The following ACTR3C variants were observed in gnomAD, a reference collection of about 807,000 sequenced individuals.
ACTR3C encodes actin related protein 3C.
In ACTR3C, 18 loss-of-function variants were observed where a neutral mutation model predicts 26.3. That is an observed-to-expected ratio of 0.68 (90% confidence interval 0.47 to 1.01). The LOEUF (loss-of-function observed/expected upper bound fraction) is 1.01. ACTR3C is among the 50% of genes least tolerant of loss of function. ACTR3C has a pLI of 0.00. For missense variants in ACTR3C, 184 were observed against 250.7 expected (o/e 0.73, Z 1.80); for synonymous variants, 55 against 94.5 (o/e 0.58, Z 2.42).
At chr7:150,201,094 CT>C in the ACTR3C span, among the ~76,000 whole-genome samples, 1 of 152,178 alleles carries the variant, frequency 6.6e-6, no homozygotes, top group African/African-American at 2.4e-5. Flanking sequence ...GATTCAAATA[CT>C]TTTTTGTCTG....
chr7:150,021,341 T>C, the ACTR3C span, among the ~76,000 whole-genome samples: 1 of 151,956 alleles, frequency 6.6e-6, no homozygotes, highest in South Asian at 2.1e-4. Context: ...ATACGTTTTA[T>C]CACCTATGAA....
the ACTR3C span, among the ~76,000 whole-genome samples, chr7:149,989,113 A>G: frequency 6.6e-6 from 1 of 152,192 alleles, no homozygotes; most frequent in Admixed American, 6.5e-5. Context: ...CAGAGACCAA[A>G]AGAACCCTGG....
At chr7:150,147,854 T>TA in the ACTR3C span, among the ~76,000 whole-genome samples, 39,738 of 145,056 alleles carry the variant, frequency 0.27, 5,856 homozygotes, top group East Asian at 0.45. Context: ...TCTGGATGAT[T>TA]AAAAAAAAGC....
rs960112144 is a variant in ACTR3C at position 150,260,167 on chromosome 7, C to T, written c.565-11113G>A. On this transcript the variant is annotated intron_variant, in intron 6 of 7. Transcript: ENST00000683684. ...GAGGCTGCCTTGTGGCCTGCAAAAT[C>T]GAAAATATTTATTATCTGGCCCTGT... is the stretch of plus-strand genomic sequence containing the variant. Among the ~76,000 whole-genome samples the T allele has an allele frequency of 7.9e-5, 12 of 152,204 alleles. No homozygotes were observed. The South Asian group carries it at 8.3e-4, about 11-fold the overall frequency.
the ACTR3C span, among the ~76,000 whole-genome samples, chr7:149,903,626 C>T: frequency 9.2e-5 from 14 of 151,638 alleles, no homozygotes; most frequent in Admixed American, 2.0e-4. Flanking sequence ...ACTCCAGCCT[C>T]GATCTCCTGG....
chr7:150,207,362 A>G, the ACTR3C span, among the ~76,000 whole-genome samples: 1 of 152,214 alleles, frequency 6.6e-6, no homozygotes, highest in Non-Finnish European at 1.5e-5. Context: ...ACTAATAAAA[A>G]TAATAGTTTC....
chr7:150,042,361 C>T, the ACTR3C span, among the ~76,000 whole-genome samples: 7 of 124,794 alleles, frequency 5.6e-5, no homozygotes, highest in Admixed American at 2.2e-4. Flanking sequence ...CCGCCCCCAG[C>T]GATGGGGGTC....
chr7:150,160,752 C>T, the ACTR3C span, among the ~76,000 whole-genome samples: 81 of 152,082 alleles, frequency 5.3e-4, no homozygotes, highest in Middle Eastern at 3.4e-3. Context: ...ACCCACTCTA[C>T]CTCCTTCACC....
chr7:150,157,702 G>A, the ACTR3C span, among the ~76,000 whole-genome samples: 1 of 152,246 alleles, frequency 6.6e-6, no homozygotes, highest in Non-Finnish European at 1.5e-5. Flanking sequence ...AGGAAGCATA[G>A]ACGAAGAGTA....
the ACTR3C span, among the ~76,000 whole-genome samples, chr7:150,125,293 C>T: frequency 1.3e-5 from 2 of 148,882 alleles, no homozygotes; most frequent in East Asian, 1.9e-4. Flanking sequence ...ATAGTTTTCT[C>T]TCTTAGTTCA....
the ACTR3C span, among the ~76,000 whole-genome samples, chr7:150,112,689 G>A: frequency 6.6e-6 from 1 of 152,174 alleles, no homozygotes; most frequent in East Asian, 1.9e-4. Flanking sequence ...ACCCATCTAA[G>A]ATTAAGTTCA....
the ACTR3C span, among the ~76,000 whole-genome samples, chr7:149,965,665 T>C: frequency 6.6e-6 from 1 of 152,224 alleles, no homozygotes. Context: ...AAAAAAGATA[T>C]CATGGCAAGG....
At chr7:150,060,546 C>T in the ACTR3C span, among the ~76,000 whole-genome samples, 1 of 152,104 alleles carries the variant, frequency 6.6e-6, no homozygotes, top group South Asian at 2.1e-4. Flanking sequence ...GTATAACCCT[C>T]GGATGAATTC....
the ACTR3C span, among the ~76,000 whole-genome samples, chr7:150,006,458 A>G: frequency 2.0e-5 from 3 of 148,702 alleles, no homozygotes; most frequent in African/African-American, 7.5e-5. Flanking sequence ...CGGCCTCCCA[A>G]AGTGCTGGGA....
intron 1 of ACTR3C, among the ~76,000 whole-genome samples, chr7:150,305,802 C>T (rs1462897088): frequency 6.6e-6 from 1 of 152,082 alleles, no homozygotes; most frequent in Non-Finnish European, 1.5e-5. Flanking sequence ...TGGCAAGGAG[C>T]TCATTCTCTC....
chr7:150,006,478 T>G, the ACTR3C span, among the ~76,000 whole-genome samples: 1 of 149,662 alleles, frequency 6.7e-6, no homozygotes, highest in African/African-American at 2.5e-5. Context: ...ATTACAGGCA[T>G]GAGCCACCGC....
the ACTR3C span, among the ~76,000 whole-genome samples, chr7:150,137,643 T>C: frequency 2.6e-5 from 4 of 152,124 alleles, no homozygotes; most frequent in East Asian, 1.9e-4. Flanking sequence ...AATAAATGTA[T>C]AGAAAATAGT....
chr7:150,137,256 C>T, the ACTR3C span, among the ~76,000 whole-genome samples: 1 of 152,118 alleles, frequency 6.6e-6, no homozygotes. Context: ...TTCCAGCCAC[C>T]CTAGGAGTAC....
At chr7:150,198,947 T>C in the ACTR3C span, among the ~76,000 whole-genome samples, 7 of 117,992 alleles carry the variant, frequency 5.9e-5, no homozygotes, top group Middle Eastern at 4.9e-3. Flanking sequence ...GTCAGCCCCC[T>C]GCCCGGCCAG....
Sources: gnomAD v4.1 joint callset for allele counts (sites outside exome capture counted in the v4.1 genomes callset) on GRCh38, gnomAD v4.1.1 for gene constraint, MANE v1.5 for transcripts, NCBI Gene and HGNC (gene_info 2026-07-23, HGNC 2026-07-21) for gene names.